The following GALNT17 variants were observed in gnomAD, a reference collection of about 807,000 sequenced individuals.
The protein encoded by GALNT17 is UDP-GalNAc:polypeptide N-acetylgalactosaminyltransferase-like 3.
GALNT17 carries 29 observed loss-of-function variants against 63.7 expected under a neutral mutation model. That is an observed-to-expected ratio of 0.46 (90% CI 0.34 to 0.62). GALNT17 has a LOEUF of 0.62. Among genes scored for constraint, GALNT17 ranks in the 20% least tolerant of loss-of-function variants. The pLI is 0.01. For synonymous variants in GALNT17, 305 were observed against 318.3 expected, an observed-to-expected ratio of 0.96 and a Z score of 0.45; for missense variants, 603 against 799.6, an observed-to-expected ratio of 0.75 and a Z score of 2.97.
chr7:71,390,023 C>T (rs1563057798), intron 3 of GALNT17, among the ~76,000 whole-genome samples: 1 of 152,104 alleles, frequency 6.6e-6, no homozygotes, highest in African/African-American at 2.4e-5. Context: ...TGGATCCCAA[C>T]CTGCAAAATT....
chr7:71,366,407 C>G (rs957137492), intron 2 of GALNT17, among the ~76,000 whole-genome samples: 12 of 152,046 alleles, frequency 7.9e-5, no homozygotes, highest in Non-Finnish European at 1.5e-4. Context: ...ATAGTGAAAC[C>G]CTGTCTCTAT....
chr7:71,690,019 C>CTTTTTTTTT (rs36049127), intron 9 of GALNT17, among the ~76,000 whole-genome samples: 1 of 142,824 alleles, frequency 7.0e-6, no homozygotes, highest in Non-Finnish European at 1.5e-5. Context: ...TACTGAATAT[C>CTTTTTTTTT]TTTTTTTTTT....
intron 1 of GALNT17, among the ~76,000 whole-genome samples, chr7:71,140,207 A>G (rs1303872068): frequency 6.6e-6 from 1 of 152,202 alleles, no homozygotes; most frequent in African/African-American, 2.4e-5. Flanking sequence ...TGCAGGGAAC[A>G]TCAGAAGGAA....
intron 6 of GALNT17, among the ~76,000 whole-genome samples, chr7:71,587,857 A>G (rs1216647663): frequency 1.3e-5 from 2 of 152,238 alleles, no homozygotes; most frequent in Non-Finnish European, 2.9e-5. Flanking sequence ...AATCTTATGC[A>G]GATTATGTGT....
intron 9 of GALNT17, among the ~76,000 whole-genome samples, chr7:71,693,689 A>G (rs1348013138): frequency 6.6e-6 from 1 of 151,890 alleles, no homozygotes; most frequent in Non-Finnish European, 1.5e-5. Flanking sequence ...GGATCAGGAA[A>G]AATATTAAAT....
intron 8 of GALNT17, among the ~76,000 whole-genome samples, chr7:71,674,145 A>G (rs1361166144): frequency 1.3e-5 from 2 of 152,214 alleles, no homozygotes; most frequent in Admixed American, 6.5e-5. Context: ...TCTATCGGAA[A>G]TATAAAGATG....
chr7:71,685,629 G>C (rs1012906671), intron 9 of GALNT17: 2 of 152,174 alleles, frequency 1.3e-5, no homozygotes, highest in African/African-American at 4.8e-5. Context: ...AGTTTCAGGA[G>C]GGATGCACGT....
At chr7:71,507,061 C>T (rs1788281201) in intron 5 of GALNT17, among the ~76,000 whole-genome samples, 1 of 152,084 alleles carries the variant, frequency 6.6e-6, no homozygotes, top group Non-Finnish European at 1.5e-5. Context: ...ATAGTGAGAC[C>T]CCATATTTAC....
chr7:71,259,372 A>G (rs1041680643), intron 1 of GALNT17, among the ~76,000 whole-genome samples: 3 of 152,188 alleles, frequency 2.0e-5, no homozygotes, highest in Admixed American at 2.0e-4. Flanking sequence ...ACTTGAAGGC[A>G]AGAGAAATGG....
intron 5 of GALNT17, among the ~76,000 whole-genome samples, chr7:71,446,756 C>T (rs770161874): frequency 3.4e-4 from 51 of 152,170 alleles, no homozygotes; most frequent in Non-Finnish European, 7.2e-4. Context: ...ACCACATTGG[C>T]CAGGCTGGTC....
chr7:71,669,224 C>T (rs980905702), intron 7 of GALNT17, among the ~76,000 whole-genome samples: 11 of 152,108 alleles, frequency 7.2e-5, no homozygotes, highest in Non-Finnish European at 1.3e-4. Flanking sequence ...TCTCCTTAAA[C>T]CACCCTTCTG....
At chr7:71,585,507 G>A (rs909349402) in intron 6 of GALNT17, among the ~76,000 whole-genome samples, 1 of 152,150 alleles carries the variant, frequency 6.6e-6, no homozygotes, top group Non-Finnish European at 1.5e-5. Context: ...AGGAAAGCAG[G>A]ATAAATGCTT....
intron 1 of GALNT17, among the ~76,000 whole-genome samples, chr7:71,179,686 C>G (rs1468762456): frequency 6.6e-6 from 1 of 152,198 alleles, no homozygotes; most frequent in Non-Finnish European, 1.5e-5. Flanking sequence ...GGCCTGCCTA[C>G]CAGGGTTCCA....
intron 1 of GALNT17, among the ~76,000 whole-genome samples, chr7:71,293,295 G>A (rs901845178): frequency 1.3e-5 from 2 of 152,138 alleles, no homozygotes; most frequent in Admixed American, 6.6e-5. Flanking sequence ...TTTCCATGAT[G>A]TTTATGCTAA....
intron 1 of GALNT17, among the ~76,000 whole-genome samples, chr7:71,327,834 G>A (rs941751586): frequency 6.6e-6 from 1 of 152,130 alleles, no homozygotes; most frequent in African/African-American, 2.4e-5. Flanking sequence ...ACCTAAGAGA[G>A]GCATGCCTGA....
chr7:71,192,997 A>G (rs922747693), intron 1 of GALNT17, among the ~76,000 whole-genome samples: 1 of 152,162 alleles, frequency 6.6e-6, no homozygotes, highest in Non-Finnish European at 1.5e-5. Flanking sequence ...CAGGCTCTGC[A>G]TGAGTAAGTG....
At chr7:71,668,876 A>G (rs548746438) in intron 7 of GALNT17, among the ~76,000 whole-genome samples, 3 of 152,350 alleles carry the variant, frequency 2.0e-5, no homozygotes, top group Admixed American at 2.0e-4. Context: ...TTTGCAATGG[A>G]AAATTATTTT....
At chr7:71,185,568 G>T (rs1788835175) in intron 1 of GALNT17, among the ~76,000 whole-genome samples, 1 of 146,884 alleles carries the variant, frequency 6.8e-6, no homozygotes, top group African/African-American at 2.5e-5. Flanking sequence ...TGTCGCCCAG[G>T]CTGGAGTTGG....
chr7:71,434,128 C>T (rs1365880232), intron 5 of GALNT17, among the ~76,000 whole-genome samples: 1 of 152,158 alleles, frequency 6.6e-6, no homozygotes, highest in African/African-American at 2.4e-5. Context: ...GAAGGCTGCA[C>T]TGTCAACTTC....
Sources: allele counts gnomAD v4.1 joint callset (sites outside exome capture counted in the v4.1 genomes callset), GRCh38; gene constraint gnomAD v4.1.1; transcripts MANE v1.5; gene names NCBI Gene and HGNC (gene_info 2026-07-23, HGNC 2026-07-21).